The following CSMD1 variants were observed in gnomAD, a reference collection of about 807,000 sequenced individuals.
The protein encoded by CSMD1 is CUB and sushi domain-containing protein 1.
In CSMD1, 213 loss-of-function variants were observed where a neutral mutation model predicts 417.5. The ratio of observed to expected loss-of-function variants is 0.51; its 90% CI spans 0.46 to 0.57. The LOEUF is 0.57. Among genes scored for constraint, CSMD1 ranks in the 20% least tolerant of loss-of-function variants. CSMD1 has a pLI of 0.00. For missense variants in CSMD1, 6,923 were observed against 4,529.7 expected (o/e 1.53, Z -15.17); for synonymous variants, 2,862 against 1,736.8 (o/e 1.65, Z -16.11).
At chr8:4,017,823 C>G (rs2130479794) in intron 4 of CSMD1, among the ~76,000 whole-genome samples, 1 of 152,216 alleles carries the variant, frequency 6.6e-6, no homozygotes, top group Admixed American at 6.5e-5. Context: ...TTCTGGAGAT[C>G]TCAGCTGTTT....
intron 3 of CSMD1, among the ~76,000 whole-genome samples, chr8:4,059,424 G>T (rs140933835): frequency 2.0e-5 from 3 of 151,960 alleles, no homozygotes; most frequent in African/African-American, 4.8e-5. Context: ...CTAGCAGAAG[G>T]CAAGAAATAA....
chr8:3,625,769 A>C (rs1796461125), intron 7 of CSMD1, among the ~76,000 whole-genome samples: 1 of 152,138 alleles, frequency 6.6e-6, no homozygotes, highest in African/African-American at 2.4e-5. Flanking sequence ...AGTAGTTTTG[A>C]ACACTGCAGA....
At chr8:3,874,221 G>T (rs543522741) in intron 5 of CSMD1, among the ~76,000 whole-genome samples, 4 of 152,208 alleles carry the variant, frequency 2.6e-5, no homozygotes, top group African/African-American at 9.6e-5. Context: ...TAACCTTCCT[G>T]CAATTTTCTA....
intron 8 of CSMD1, among the ~76,000 whole-genome samples, chr8:3,607,185 C>G (rs545934016): frequency 6.6e-6 from 1 of 152,098 alleles, no homozygotes; most frequent in African/African-American, 2.4e-5. Context: ...CATGAACAAG[C>G]GCACTAGCCT....
chr8:4,084,092 T>C (rs1056998727), intron 3 of CSMD1, among the ~76,000 whole-genome samples: 4 of 152,204 alleles, frequency 2.6e-5, no homozygotes, highest in South Asian at 2.1e-4. Context: ...CTAGTAATAT[T>C]TGTCTTCGGA....
chr8:3,998,232 T>A (rs1373995323), intron 4 of CSMD1, 122 bp from the exon 5 acceptor site: 1 of 755,102 alleles, frequency 1.3e-6, no homozygotes, highest in African/African-American at 1.9e-5. Flanking sequence ...ATTGAGACAC[T>A]CAATCTGAAA....
chr8:3,295,522 G>A (rs546901339), intron 25 of CSMD1, among the ~76,000 whole-genome samples: 28 of 152,188 alleles, frequency 1.8e-4, no homozygotes, highest in African/African-American at 2.6e-4. Flanking sequence ...TTTTATTTTC[G>A]TAGTTCCTTA....
chr8:3,281,113 A>G (rs544197224), intron 26 of CSMD1, among the ~76,000 whole-genome samples: 1 of 152,186 alleles, frequency 6.6e-6, no homozygotes, highest in Non-Finnish European at 1.5e-5. Context: ...ATAATTGCCA[A>G]AATTTTGAAG....
rs372846852 is a variant in CSMD1, at chr8:4,113,436, G to C, written c.416-81337C>G. Among the ~76,000 whole-genome samples, 12 of 116,210 alleles carry C rather than the reference G, an allele frequency of 1.0e-4. No individual in the cohort carries two copies. In the Admixed American group the frequency reaches 1.4e-3, roughly 14 times the overall value. The allele number at this position is 116,210 out of a possible 152,430, so 76.2% of individuals were successfully genotyped here. On this transcript the variant is annotated intron_variant, in intron 3 of 69. Transcript: ENST00000635120. ...TTTTTTTTAAATGAGACAGTATCTC[G>C]CTCTGTCACGCAGGCTGGACTGCAA...
rs373726648 is a variant in CSMD1 at position 3,142,555 on chromosome 8, C to T, written c.6151G>A (p.Ala2051Thr). 6.2e-6 allele frequency: 10 copies of T among 1,613,888 alleles called. No homozygotes were observed. The highest frequency in any genetic ancestry group is 7.6e-6 in the Non-Finnish European group (9 of 1,179,898). The change falls in exon 41 of 70, where the codon GCG becomes ACG. Residue 2051 changes from alanine (A) to threonine (T), a missense_variant. Physicochemically the swap from Ala to Thr is moderately conservative, Grantham distance 58. Coordinates refer to ENST00000635120, the MANE Select transcript of CSMD1 (RefSeq NM_033225.6). ...IGQFSGTDLP[A>T]ALLSTTHETL... Reference sequence around the variant, plus strand: ...TCATGCGTTGTGCTCAGCAGGGCCGCGGGGAGATCCGTGCCGCTAAATTGT... The same window carrying T: ...TCATGCGTTGTGCTCAGCAGGGCCGTGGGGAGATCCGTGCCGCTAAATTGT...
At chr8:3,733,736 C>G (rs1230343955) in intron 6 of CSMD1, among the ~76,000 whole-genome samples, 2 of 152,128 alleles carry the variant, frequency 1.3e-5, no homozygotes, top group African/African-American at 2.4e-5. Flanking sequence ...GTTGTGGTGT[C>G]TGTGTTCAAG....
chr8:3,323,789 AC>A (rs753816504), intron 23 of CSMD1, among the ~76,000 whole-genome samples: 1 of 134,750 alleles, frequency 7.4e-6, no homozygotes, highest in Non-Finnish European at 1.6e-5. Context: ...CCCACATCCA[AC>A]CCCAGAGACC....
At chr8:3,900,396 T>C (rs894956765) in intron 5 of CSMD1, among the ~76,000 whole-genome samples, 10 of 145,242 alleles carry the variant, frequency 6.9e-5, no homozygotes, top group Admixed American at 6.8e-4. Context: ...GGTGACAGTA[T>C]AGGTGGGTGA....
intron 5 of CSMD1, among the ~76,000 whole-genome samples, chr8:3,925,128 A>T (rs1809559419): frequency 1.3e-5 from 2 of 152,326 alleles, no homozygotes; most frequent in African/African-American, 2.4e-5. Context: ...AGCCTGAGGC[A>T]GAGCCACCCA....
intron 25 of CSMD1, among the ~76,000 whole-genome samples, chr8:3,306,743 T>TA (rs1398184234): frequency 1.3e-5 from 2 of 152,188 alleles, no homozygotes; most frequent in Admixed American, 6.5e-5. Context: ...AAACAAGAAC[T>TA]AAAAATAAAA....
At chr8:4,934,008 A>T (rs60553620) in intron 1 of CSMD1, among the ~76,000 whole-genome samples, 11,718 of 143,034 alleles carry the variant, frequency 0.082, 637 homozygotes, top group African/African-American at 0.17. Context: ...CTTTTTTTTT[A>T]AAAAAAAATG....
rs1307361405 is a variant in CSMD1, at chr8:4,168,132, AAT to A, written c.416-136035_416-136034del. ...AAAGAGAGCAAGGCTCTGTCTCAAAAATAAAAAAAAATATACACACACACACA... is the reference window on the plus strand; with the variant it reads ...AAAGAGAGCAAGGCTCTGTCTCAAAAAAAAAAAAATATACACACACACACA... On this transcript the variant is annotated intron_variant, in intron 3 of 69. Transcript: ENST00000635120. Among the ~76,000 whole-genome samples the A allele has an allele frequency of 1.2e-3, 147 of 118,754 alleles. 2 individuals carry two copies. The highest frequency in any genetic ancestry group is 4.5e-3 in the African/African-American group (141 of 31,028). 77.9% of individuals were successfully genotyped at this position (118,754 alleles called of 152,430 possible). A position where few individuals can be genotyped will look rare whatever the true frequency, so the allele number is the denominator to read the frequency against.
chr8:4,317,543 A>G (rs982038764), intron 3 of CSMD1, among the ~76,000 whole-genome samples: 2 of 152,108 alleles, frequency 1.3e-5, no homozygotes, highest in African/African-American at 4.8e-5. Flanking sequence ...TTCATTTTCC[A>G]GAGATAGATT....
chr8:4,117,643 G>C (rs926407831), intron 3 of CSMD1, among the ~76,000 whole-genome samples: 1 of 152,156 alleles, frequency 6.6e-6, no homozygotes, highest in East Asian at 1.9e-4. Flanking sequence ...ACGCTGAAGC[G>C]CCCGCACTTC....
Sources: gnomAD v4.1 joint callset for allele counts (sites outside exome capture counted in the v4.1 genomes callset) on GRCh38, gnomAD v4.1.1 for gene constraint, MANE v1.5 for transcripts, NCBI Gene and HGNC (gene_info 2026-07-23, HGNC 2026-07-21) for gene names.